Variants in TIMM23 observed in about 807,000 individuals in gnomAD.
The protein encoded by TIMM23 is translocase of inner mitochondrial membrane 23, also known as mitochondrial import inner membrane translocase subunit Tim23.
TIMM23 carries 19 observed loss-of-function variants against 30.7 expected under a neutral mutation model. The observed-to-expected ratio is 0.62, with a 90% CI of 0.43 to 0.91. The LOEUF is 0.91. TIMM23 is among the 40% of genes least tolerant of loss of function. The pLI is 0.00. For missense variants in TIMM23, 202 were observed against 269.2 expected (o/e 0.75, Z 1.75); for synonymous variants, 78 against 98.5 (o/e 0.79, Z 1.23).
chr10:45,998,536 C>A, intron 6 of TIMM23: 1 of 297,692 alleles, frequency 3.4e-6, no homozygotes, highest in Non-Finnish European at 5.0e-6. Context: ...GTAAAGAAAC[C>A]CTAGAGACCC....
chr10:45,991,262 A>G (rs1554915691), intron 6 of TIMM23, among the ~76,000 whole-genome samples: 6 of 152,204 alleles, frequency 3.9e-5, no homozygotes, highest in Non-Finnish European at 7.4e-5. Context: ...GGAAAGCTAA[A>G]GTAAGAAGCT....
chr10:45,993,731 G>GTGAAA (rs1282483453), intron 6 of TIMM23, among the ~76,000 whole-genome samples: 3 of 152,072 alleles, frequency 2.0e-5, no homozygotes, highest in South Asian at 2.1e-4. Flanking sequence ...GAAATGCCAG[G>GTGAAA]TGAAATGAAA....
At chr10:45,991,908 T>G (rs1383095004) in intron 6 of TIMM23, among the ~76,000 whole-genome samples, 1 of 152,100 alleles carries the variant, frequency 6.6e-6, no homozygotes, top group African/African-American at 2.4e-5. Flanking sequence ...CCCTCACCAC[T>G]GCCCCCATCT....
At chr10:45,999,472 G>A (rs996247640) in intron 6 of TIMM23, among the ~76,000 whole-genome samples, 2 of 152,076 alleles carry the variant, frequency 1.3e-5, no homozygotes, top group South Asian at 4.1e-4. Flanking sequence ...ATCACATGTC[G>A]GTAGGTTCCA....
chr10:45,982,059 G>C (rs1837868217), intron 2 of TIMM23, among the ~76,000 whole-genome samples: 1 of 152,076 alleles, frequency 6.6e-6, no homozygotes, highest in Admixed American at 6.6e-5. Context: ...GGGGTCATTT[G>C]CCCTTGCATA....
chr10:46,002,531 C>G (rs1454903740), intron 6 of TIMM23: 14 of 980,884 alleles, frequency 1.4e-5, no homozygotes, highest in Admixed American at 1.2e-4. Flanking sequence ...TGTTAATACT[C>G]TTTCCAAATA....
intron 2 of TIMM23, among the ~76,000 whole-genome samples, chr10:45,981,028 C>G (rs1381788266): frequency 6.8e-6 from 1 of 146,010 alleles, no homozygotes; most frequent in Non-Finnish European, 1.5e-5. Context: ...CAACCTCCAC[C>G]CCCGGGTTCA....
At chr10:45,982,729 T>C in intron 3 of TIMM23, 113 bp downstream of exon 3, 1 of 1,562,734 alleles carries the variant, frequency 6.4e-7, no homozygotes, top group Admixed American at 1.9e-5. Flanking sequence ...ATATTTACAT[T>C]TGTCTTTTTC....
At chr10:45,981,032 G>A (rs1444680420) in intron 2 of TIMM23, among the ~76,000 whole-genome samples, 1 of 143,802 alleles carries the variant, frequency 7.0e-6, no homozygotes, top group Non-Finnish European at 1.5e-5. Context: ...CTCCACCCCC[G>A]GGTTCAAGCA....
At position 45,985,365 on chromosome 10, in the gene TIMM23, C is replaced by T; in HGVS notation, c.345-18C>T. 1 of 1,613,062 alleles carries T rather than the reference C, an allele frequency of 6.2e-7. No individual in the cohort carries two copies. ...TAATGATTCTAAATACAGATTCTTTCTCTTTCTGCCCTGATAGGATTTTGA... is the reference window on the plus strand; with the variant it reads ...TAATGATTCTAAATACAGATTCTTTTTCTTTCTGCCCTGATAGGATTTTGA... On this transcript the variant is annotated intron_variant, in intron 4 of 6. Coordinates refer to ENST00000580018, the MANE Select transcript of TIMM23 (RefSeq NM_006327.4).
intron 6 of TIMM23, among the ~76,000 whole-genome samples, chr10:45,993,577 G>A (rs1838237077): frequency 1.3e-5 from 2 of 152,108 alleles, no homozygotes; most frequent in African/African-American, 2.4e-5. Flanking sequence ...GACATGACAT[G>A]ACATGATGAA....
intron 5 of TIMM23, 66 bp from the exon 6 acceptor site, chr10:45,988,671 A>G (rs1838069907): frequency 2.7e-6 from 3 of 1,127,268 alleles, no homozygotes; most frequent in Non-Finnish European, 1.4e-6. Context: ...GAAAACCAAT[A>G]TATGTATATC....
intron 6 of TIMM23, among the ~76,000 whole-genome samples, chr10:45,989,654 G>A (rs1288579696): frequency 6.6e-6 from 1 of 152,106 alleles, no homozygotes; most frequent in African/African-American, 2.4e-5. Context: ...TTAAACAATA[G>A]TTTGACCTGT....
chr10:45,973,279 A>G (rs1837555225), intron 1 of TIMM23, among the ~76,000 whole-genome samples: 1 of 152,256 alleles, frequency 6.6e-6, no homozygotes, highest in African/African-American at 2.4e-5. Context: ...AAGCCAGGTA[A>G]GAATTATAGA....
intron 5 of TIMM23, among the ~76,000 whole-genome samples, chr10:45,986,326 A>T (rs1482809625): frequency 1.3e-5 from 2 of 152,000 alleles, no homozygotes; most frequent in Non-Finnish European, 2.9e-5. Flanking sequence ...GTTTCTTTTA[A>T]TTGCTTGTAT....
intron 4 of TIMM23, among the ~76,000 whole-genome samples, chr10:45,983,574 G>A (rs1388142712): frequency 6.6e-6 from 1 of 152,112 alleles, no homozygotes; most frequent in African/African-American, 2.4e-5. Flanking sequence ...AATATGTTTA[G>A]TTTTGCCCAT....
chr10:45,993,055 A>C (rs1838213494), intron 6 of TIMM23, among the ~76,000 whole-genome samples: 2 of 152,210 alleles, frequency 1.3e-5, no homozygotes, highest in African/African-American at 4.8e-5. Flanking sequence ...TTGTTCAGAT[A>C]CCACCTTTTC....
chr10:45,972,797 C>T (rs1837533754), intron 1 of TIMM23, 67 bp downstream of exon 1: 1 of 1,590,324 alleles, frequency 6.3e-7, no homozygotes, highest in Non-Finnish European at 8.6e-7. Context: ...GTTGCGCGTC[C>T]CATGTTTTAT....
chr10:45,979,606 C>CTTTTTT (rs1171770886), intron 2 of TIMM23, among the ~76,000 whole-genome samples: 2 of 54,378 alleles, frequency 3.7e-5, no homozygotes, highest in South Asian at 1.0e-3. Flanking sequence ...CATGCCTGGC[C>CTTTTTT]TTTTTTTTTT....
Sources: gnomAD v4.1 joint callset for allele counts (sites outside exome capture counted in the v4.1 genomes callset) on GRCh38, gnomAD v4.1.1 for gene constraint, MANE v1.5 for transcripts, NCBI Gene and HGNC (gene_info 2026-07-23, HGNC 2026-07-21) for gene names.